SLC25A21: variants seen among roughly 807,000 people sequenced by gnomAD.
The protein encoded by SLC25A21 is mitochondrial 2-oxodicarboxylate carrier.
SLC25A21 carries 47 observed loss-of-function variants against 43.8 expected under a neutral mutation model. The observed-to-expected ratio is 1.07, with a 90% CI of 0.85 to 1.37. The LOEUF is 1.37. SLC25A21 is among the 40% of genes most tolerant of loss of function. The pLI is 0.00. For synonymous variants in SLC25A21, 131 were observed against 121.3 expected, an observed-to-expected ratio of 1.08 and a Z score of -0.52; for missense variants, 352 against 350.2, an observed-to-expected ratio of 1.00 and a Z score of -0.04.
intron 1 of SLC25A21, among the ~76,000 whole-genome samples, chr14:36,904,201 T>C (rs1891472757): frequency 6.6e-6 from 1 of 152,174 alleles, no homozygotes; most frequent in African/African-American, 2.4e-5. Flanking sequence ...CCGACCCAGA[T>C]TCAAAAATTG....
At chr14:36,928,135 C>T (rs2138633047) in intron 1 of SLC25A21, among the ~76,000 whole-genome samples, 1 of 152,204 alleles carries the variant, frequency 6.6e-6, no homozygotes, top group East Asian at 1.9e-4. Context: ...GCGAAGAGGT[C>T]CCCCCTCCTT....
chr14:36,780,829 T>C (rs1266211607), intron 3 of SLC25A21, among the ~76,000 whole-genome samples: 1 of 152,142 alleles, frequency 6.6e-6, no homozygotes, highest in Non-Finnish European at 1.5e-5. Context: ...TGTACTTGTC[T>C]GTTAGGTCTA....
intron 1 of SLC25A21, among the ~76,000 whole-genome samples, chr14:37,012,192 T>C (rs999224802): frequency 1.3e-5 from 2 of 152,306 alleles, no homozygotes; most frequent in African/African-American, 4.8e-5. Context: ...ATCCAAAGGC[T>C]ACTGTATATC....
rs192046435 is a variant in SLC25A21 at position 36,984,416 on chromosome 14, G to A, written c.71-109412C>T. 4.1e-3 allele frequency among the ~76,000 whole-genome samples: 620 copies of A among 152,302 alleles called. 4 individuals are homozygous for A. The highest frequency in any genetic ancestry group is 6.2e-3 in the Non-Finnish European group (424 of 68,028). ...GATCTTCTGTTTACATTGAGAAGAT[G>A]TAAACTCAATGTGTACACAGTTTTT... On this transcript the variant is annotated intron_variant, in intron 1 of 9. Coordinates refer to ENST00000331299, the MANE Select transcript of SLC25A21 (RefSeq NM_030631.4).
intron 5 of SLC25A21, among the ~76,000 whole-genome samples, chr14:36,728,862 T>C (rs191832186): frequency 2.0e-5 from 3 of 152,328 alleles, no homozygotes; most frequent in Admixed American, 6.5e-5. Context: ...GGGGCTCTTG[T>C]TGCACACACA....
intron 1 of SLC25A21, among the ~76,000 whole-genome samples, chr14:37,002,288 C>T (rs1326161699): frequency 2.0e-5 from 3 of 152,108 alleles, no homozygotes; most frequent in African/African-American, 7.2e-5. Context: ...CACCATATCT[C>T]TCTACTATGT....
intron 2 of SLC25A21, among the ~76,000 whole-genome samples, chr14:36,855,352 T>C (rs975147923): frequency 1.3e-5 from 2 of 150,704 alleles, no homozygotes; most frequent in African/African-American, 4.9e-5. Flanking sequence ...AAAATCAAAG[T>C]GGGAGGCAGC....
chr14:36,950,578 G>A lies in SLC25A21; in HGVS notation c.71-75574C>T, dbSNP rs535996728. Among the ~76,000 whole-genome samples, 29 of 152,242 alleles carry A rather than the reference G, an allele frequency of 1.9e-4. 1 individual carries two copies. The highest frequency in any genetic ancestry group is 4.6e-4 in the Admixed American group (7 of 15,294). On this transcript the variant is annotated intron_variant, in intron 1 of 9. Transcript: ENST00000331299. ...GAGAAAATAAATTTCTGTTATTTAA[G>A]CCACCCAGTCTGTGGTATATTGTTA... is the stretch of plus-strand genomic sequence containing the variant.
At chr14:36,918,614 C>A (rs1430126289) in intron 1 of SLC25A21, among the ~76,000 whole-genome samples, 3 of 152,022 alleles carry the variant, frequency 2.0e-5, no homozygotes, top group Non-Finnish European at 4.4e-5. Context: ...CAAGGAAATA[C>A]TATCCACAAT....
At chr14:36,864,381 T>C (rs528916659) in intron 2 of SLC25A21, among the ~76,000 whole-genome samples, 8 of 152,322 alleles carry the variant, frequency 5.3e-5, no homozygotes, top group Admixed American at 1.3e-4. Flanking sequence ...TCCAAATATG[T>C]TACCCATCTT....
chr14:36,766,006 T>C (rs971790981), intron 3 of SLC25A21, among the ~76,000 whole-genome samples: 4 of 150,664 alleles, frequency 2.7e-5, no homozygotes, highest in African/African-American at 9.8e-5. Flanking sequence ...CCTTGGAGCC[T>C]TTTGAGTTGC....
In SLC25A21 at chr14:37,024,342, T is replaced by C. The variant is rs572031524; in HGVS notation, c.70+147939A>G. 9.9e-5 allele frequency among the ~76,000 whole-genome samples: 15 copies of C among 152,142 alleles called. 1 individual carries two copies. Among genetic ancestry groups the C allele is most frequent in the Non-Finnish European group, 1.8e-4 (12 of 67,960 alleles). On this transcript the variant is annotated intron_variant, in intron 1 of 9. Transcript: ENST00000331299. ...TGTCAACTGTCTAATGGTAGTGTCA[T>C]TGGTTCCAAGTAGGGTCAACAGAGG...
chr14:36,851,779 G>C (rs980297650), intron 2 of SLC25A21, among the ~76,000 whole-genome samples: 1 of 152,118 alleles, frequency 6.6e-6, no homozygotes, highest in Non-Finnish European at 1.5e-5. Context: ...GAGTAGTTAA[G>C]CATTTTCACT....
At chr14:36,819,060 C>A (rs915567614) in intron 2 of SLC25A21, among the ~76,000 whole-genome samples, 8 of 152,176 alleles carry the variant, frequency 5.3e-5, no homozygotes, top group African/African-American at 1.9e-4. Context: ...AAACTTGCTG[C>A]CACACTGACA....
intron 2 of SLC25A21, among the ~76,000 whole-genome samples, chr14:36,841,887 C>A (rs973557441): frequency 7.2e-5 from 11 of 152,204 alleles, no homozygotes; most frequent in African/African-American, 2.7e-4. Flanking sequence ...TTCCTCTGTG[C>A]TTTATTTGTG....
intron 4 of SLC25A21, among the ~76,000 whole-genome samples, chr14:36,730,299 AT>A (rs1884766852): frequency 6.6e-6 from 1 of 152,080 alleles, no homozygotes; most frequent in Non-Finnish European, 1.5e-5. Context: ...CATATAATAC[AT>A]TTCCCCCCTT....
chr14:37,137,007 T>A lies in SLC25A21; in HGVS notation c.70+35274A>T, dbSNP rs142289889. Among the ~76,000 whole-genome samples, 940 of 152,224 alleles carry A rather than the reference T, an allele frequency of 6.2e-3. 6 individuals are homozygous for A. The highest frequency in any genetic ancestry group is 0.019 in the African/African-American group (808 of 41,530). On this transcript the variant is annotated intron_variant, in intron 1 of 9. Transcript: ENST00000331299. ...TGTATGGCACTGACTTTTTTTGTTT[T>A]TGTTTTGTTTTGAGATGGAGTCTCG... is the stretch of plus-strand genomic sequence containing the variant.
At chr14:37,145,621 C>G (rs1594816209) in intron 1 of SLC25A21, among the ~76,000 whole-genome samples, 1 of 152,194 alleles carries the variant, frequency 6.6e-6, no homozygotes, top group East Asian at 1.9e-4. Flanking sequence ...ACTCAGATAT[C>G]CCTGAGGGCA....
chr14:36,846,045 G>C (rs1889530635), intron 2 of SLC25A21, among the ~76,000 whole-genome samples: 1 of 152,156 alleles, frequency 6.6e-6, no homozygotes, highest in Non-Finnish European at 1.5e-5. Context: ...TGGTGATTAG[G>C]ATATTTATTT....
Sources: allele counts gnomAD v4.1 joint callset (sites outside exome capture counted in the v4.1 genomes callset), GRCh38; gene constraint gnomAD v4.1.1; transcripts MANE v1.5; gene names NCBI Gene and HGNC (gene_info 2026-07-23, HGNC 2026-07-21).